The following SH3D19 variants were observed in gnomAD, a reference collection of about 807,000 sequenced individuals.
SH3D19 encodes SH3 domain containing 19.
In SH3D19, 58 loss-of-function variants were observed where a neutral mutation model predicts 112.1. That is an observed-to-expected ratio of 0.52 (90% confidence interval 0.42 to 0.64). The LOEUF is 0.64. Among genes scored for constraint, SH3D19 ranks in the 30% least tolerant of loss-of-function variants. The pLI is 0.00. For synonymous variants in SH3D19, 391 were observed against 448.5 expected, an observed-to-expected ratio of 0.87 and a Z score of 1.62; for missense variants, 1,090 against 1,263.4, an observed-to-expected ratio of 0.86 and a Z score of 2.08.
rs967653938 is a variant in SH3D19, at chr4:151,228,086, T to C, written c.113-2000A>G. 6.2e-6 allele frequency: 6 copies of C among 964,984 alleles called. No individual in the cohort carries two copies. The African/African-American group carries it at 8.8e-5, about 14-fold the overall frequency. The allele number at this position is 964,984 out of a possible 1,614,324, so 59.8% of individuals were successfully genotyped here. ...GGAAATTCTACAGTCATTTTTATAC[T>C]TTCTGCTCTAAGAAAATACAAATGT... On this transcript the variant is annotated intron_variant, in intron 1 of 19. Transcript: ENST00000604030.
chr4:151,154,774 C>T (rs181047592), intron 9 of SH3D19, among the ~76,000 whole-genome samples: 137 of 151,696 alleles, frequency 9.0e-4, no homozygotes, highest in Middle Eastern at 3.4e-3. Context: ...TTTTTTTCTT[C>T]TGGAGACGAG....
chr4:151,190,237 G>A (rs1391847604), intron 2 of SH3D19, among the ~76,000 whole-genome samples: 1 of 152,152 alleles, frequency 6.6e-6, no homozygotes, highest in Admixed American at 6.5e-5. Flanking sequence ...ATTTTATAAG[G>A]GAAGCAGAGC....
intron 3 of SH3D19, among the ~76,000 whole-genome samples, chr4:151,185,035 GT>G (rs1379701943): frequency 8.7e-6 from 1 of 114,392 alleles, no homozygotes; most frequent in Non-Finnish European, 1.7e-5. Context: ...ACACAGCTGT[GT>G]CCTGTTTTTT....
At chr4:151,157,403 T>C (rs192326140) in intron 9 of SH3D19, among the ~76,000 whole-genome samples, 44 of 147,602 alleles carry the variant, frequency 3.0e-4, no homozygotes, top group African/African-American at 1.1e-3. Context: ...CTCACCCCAG[T>C]TGGGATGGCT....
chr4:151,236,059 C>T (rs1770009108), intron 1 of SH3D19, among the ~76,000 whole-genome samples: 1 of 152,250 alleles, frequency 6.6e-6, no homozygotes, highest in Non-Finnish European at 1.5e-5. Context: ...GTCTCCCCTC[C>T]AATCCAATCA....
At chr4:151,316,469 T>G (rs1203679801) in intron 1 of SH3D19, among the ~76,000 whole-genome samples, 1 of 152,166 alleles carries the variant, frequency 6.6e-6, no homozygotes, top group African/African-American at 2.4e-5. Flanking sequence ...TTGTGATGAA[T>G]CTACCATACT....
chr4:151,131,772 G>A (rs944900816), intron 17 of SH3D19, among the ~76,000 whole-genome samples: 3 of 152,006 alleles, frequency 2.0e-5, no homozygotes, highest in African/African-American at 7.3e-5. Flanking sequence ...ACAGGCATGA[G>A]CCACCGCGCA....
At chr4:151,146,679 T>C (rs1753973591) in intron 11 of SH3D19, among the ~76,000 whole-genome samples, 1 of 152,160 alleles carries the variant, frequency 6.6e-6, no homozygotes, top group Admixed American at 6.6e-5. Context: ...ATTACAGGCA[T>C]GTGCCAACAC....
intron 1 of SH3D19, among the ~76,000 whole-genome samples, chr4:151,229,067 T>G (rs925917341): frequency 6.7e-6 from 1 of 148,660 alleles, no homozygotes; most frequent in Admixed American, 6.8e-5. Context: ...AGACAGGGTC[T>G]CCCTATTTTG....
chr4:151,202,630 T>C (rs1005578744), intron 2 of SH3D19, among the ~76,000 whole-genome samples: 1 of 152,042 alleles, frequency 6.6e-6, no homozygotes, highest in African/African-American at 2.4e-5. Context: ...TTCCTAATGA[T>C]AGGAATCAAC....
intron 2 of SH3D19, among the ~76,000 whole-genome samples, chr4:151,189,919 C>G (rs1256999714): frequency 6.6e-6 from 1 of 152,070 alleles, no homozygotes. Context: ...CAGAAGAAGA[C>G]AGGAAAATGT....
At chr4:151,282,135 CT>C (rs1417714198) in intron 1 of SH3D19, 4 of 1,612,178 alleles carry the variant, frequency 2.5e-6, no homozygotes, top group African/African-American at 2.7e-5. Flanking sequence ...GGCCTCCTTT[CT>C]TTTCCCCATA....
At chr4:151,267,213 T>C (rs1166234869) in intron 1 of SH3D19, among the ~76,000 whole-genome samples, 3 of 151,056 alleles carry the variant, frequency 2.0e-5, no homozygotes, top group Non-Finnish European at 4.4e-5. Context: ...CACGTGCCTG[T>C]AGTCCCAGCT....
intron 2 of SH3D19, among the ~76,000 whole-genome samples, chr4:151,221,564 G>C (rs923034932): frequency 6.6e-6 from 1 of 152,168 alleles, no homozygotes; most frequent in Non-Finnish European, 1.5e-5. Flanking sequence ...ATAGTCGTGG[G>C]CGAGCTTTTG....
chr4:151,268,545 C>T (rs1772988212), intron 1 of SH3D19, among the ~76,000 whole-genome samples: 1 of 148,694 alleles, frequency 6.7e-6, no homozygotes, highest in African/African-American at 2.5e-5. Context: ...CACCCATTAA[C>T]TCGTCATTTA....
At chr4:151,249,739 T>C (rs1771213352) in intron 1 of SH3D19, among the ~76,000 whole-genome samples, 2 of 152,230 alleles carry the variant, frequency 1.3e-5, no homozygotes, top group South Asian at 2.1e-4. Context: ...AATGCTTTGA[T>C]GACTTTCATT....
chr4:151,262,184 C>G (rs1184640721), intron 1 of SH3D19, among the ~76,000 whole-genome samples: 1 of 152,216 alleles, frequency 6.6e-6, no homozygotes, highest in Non-Finnish European at 1.5e-5. Flanking sequence ...AACCAGAAAT[C>G]AGGATGCTAT....
chr4:151,243,430 A>G (rs145856059), intron 1 of SH3D19, among the ~76,000 whole-genome samples: 2 of 152,366 alleles, frequency 1.3e-5, no homozygotes, highest in Non-Finnish European at 2.9e-5. Context: ...AAATTGTATA[A>G]GTTGTTGGCA....
intron 1 of SH3D19, among the ~76,000 whole-genome samples, chr4:151,292,585 T>C (rs1350204778): frequency 6.6e-6 from 1 of 152,152 alleles, no homozygotes; most frequent in African/African-American, 2.4e-5. Flanking sequence ...ACACAACCTA[T>C]CCTATTCCCT....
Sources: gnomAD v4.1 joint callset for allele counts (sites outside exome capture counted in the v4.1 genomes callset) on GRCh38, gnomAD v4.1.1 for gene constraint, MANE v1.5 for transcripts, NCBI Gene and HGNC (gene_info 2026-07-23, HGNC 2026-07-21) for gene names.